Variants in EHBP1 observed in about 807,000 individuals in gnomAD.
The protein encoded by EHBP1 is EH domain-binding protein 1.
In EHBP1, 55 loss-of-function variants were observed where a neutral mutation model predicts 144.0. That is an observed-to-expected ratio of 0.38 (90% CI 0.31 to 0.48). EHBP1 has a LOEUF of 0.48. Ranked by LOEUF, EHBP1 falls within the 20% of genes least tolerant of loss-of-function variation. The probability of loss-of-function intolerance (pLI) is 0.98; values close to 1 mark genes in which losing one functional copy is unlikely to be tolerated. For missense variants in EHBP1, 1,200 were observed against 1,364.2 expected, an observed-to-expected ratio of 0.88 and a Z score of 1.90; for synonymous variants, 469 against 472.7, an observed-to-expected ratio of 0.99 and a Z score of 0.10.
chr2:62,929,726 A>G (rs994787606), intron 10 of EHBP1, among the ~76,000 whole-genome samples: 1 of 152,162 alleles, frequency 6.6e-6, no homozygotes, highest in Non-Finnish European at 1.5e-5. Flanking sequence ...CACTTAGGCA[A>G]GTAAAAGATG....
intron 10 of EHBP1, among the ~76,000 whole-genome samples, chr2:62,903,564 T>G (rs1475785433): frequency 6.6e-6 from 1 of 152,106 alleles, no homozygotes; most frequent in Non-Finnish European, 1.5e-5. Flanking sequence ...GGATTTTGAC[T>G]CCACCTTGGG....
At chr2:62,728,122 T>G (rs1457754374) in intron 2 of EHBP1, among the ~76,000 whole-genome samples, 1 of 152,192 alleles carries the variant, frequency 6.6e-6, no homozygotes, top group Non-Finnish European at 1.5e-5. Context: ...TTAAGCATTC[T>G]TTCCTGAAGT....
In EHBP1 at chr2:62,707,007, A is replaced by G. The variant is rs2034657734; in HGVS notation, c.-185A>G. Reference sequence around the variant, plus strand: ...ATATCATAGTGTTCTTGACTGGGCCATTCATCTAAGATGGGATTTACCCTG... The same window carrying G: ...ATATCATAGTGTTCTTGACTGGGCCGTTCATCTAAGATGGGATTTACCCTG... On this transcript the variant is annotated 5_prime_UTR_variant, in exon 2 of 23. Coordinates refer to ENST00000431489, the MANE Select transcript of EHBP1 (RefSeq NM_001142616.3). The G allele has an allele frequency of 1.8e-6, 1 of 567,780 alleles. No homozygotes were observed. The highest frequency in any genetic ancestry group is 2.0e-5 in the South Asian group (1 of 50,462). The allele number at this position is 567,780 out of a possible 1,614,324, so 35.2% of individuals were successfully genotyped here. A position where few individuals can be genotyped will look rare whatever the true frequency, so the allele number is the denominator to read the frequency against.
chr2:62,888,435 A>G (rs193166153), intron 10 of EHBP1, among the ~76,000 whole-genome samples: 1 of 152,350 alleles, frequency 6.6e-6, no homozygotes, highest in Admixed American at 6.5e-5. Flanking sequence ...CAAAATTTGT[A>G]AAGTTTGATT....
At position 62,954,259 on chromosome 2, in the gene EHBP1, A is replaced by T. The variant is rs556569152; in HGVS notation, c.2317-1258A>T. On this transcript the variant is annotated intron_variant, in intron 13 of 22. Transcript: ENST00000431489. Reference sequence around the variant, plus strand: ...ATTGCTTATTATTAGTGGGAGAGGGATTAACAGCCTGATGTCTTGACTGAA... The same window carrying T: ...ATTGCTTATTATTAGTGGGAGAGGGTTTAACAGCCTGATGTCTTGACTGAA... 5.3e-5 allele frequency among the ~76,000 whole-genome samples: 8 copies of T among 152,310 alleles called. No homozygotes were observed. In the South Asian group the frequency reaches 1.7e-3, roughly 32 times the overall value.
chr2:62,940,132 C>T (rs972957888), intron 10 of EHBP1: 4 of 411,676 alleles, frequency 9.7e-6, no homozygotes, highest in African/African-American at 4.1e-5. Flanking sequence ...ACAAGAAAAA[C>T]GCCTGTGGTA....
chr2:63,006,829 A>G (rs533878380), intron 19 of EHBP1, among the ~76,000 whole-genome samples: 4 of 151,764 alleles, frequency 2.6e-5, no homozygotes, highest in African/African-American at 9.6e-5. Context: ...GAAATTATAT[A>G]TATATATATG....
At chr2:63,009,458 G>C (rs1045144503) in intron 19 of EHBP1, among the ~76,000 whole-genome samples, 1 of 151,584 alleles carries the variant, frequency 6.6e-6, no homozygotes, top group African/African-American at 2.4e-5. Context: ...GGGTGGGATT[G>C]CTGATTTCAC....
At chr2:62,889,047 CTTTTTTTTTTTTT>C (rs71410971) in intron 10 of EHBP1, among the ~76,000 whole-genome samples, 23 of 39,678 alleles carry the variant, frequency 5.8e-4, no homozygotes, top group South Asian at 2.9e-3. Context: ...GTAGGTACCT[CTTTTTTTTTTTTT>C]TTTTTTTTTT....
intron 10 of EHBP1, among the ~76,000 whole-genome samples, chr2:62,892,999 A>G (rs540753913): frequency 6.0e-4 from 92 of 152,290 alleles, no homozygotes; most frequent in Non-Finnish European, 1.1e-3. Context: ...ACTTTGATAA[A>G]CATTAGCAAT....
intron 21 of EHBP1, among the ~76,000 whole-genome samples, chr2:63,039,773 G>A (rs975083769): frequency 6.6e-6 from 1 of 152,018 alleles, no homozygotes; most frequent in African/African-American, 2.4e-5. Context: ...CTATTTGTCT[G>A]AATACTATCA....
At chr2:62,898,941 A>T (rs969885463) in intron 10 of EHBP1, among the ~76,000 whole-genome samples, 1 of 152,172 alleles carries the variant, frequency 6.6e-6, no homozygotes, top group Non-Finnish European at 1.5e-5. Flanking sequence ...CCCCTCTTCC[A>T]TGTAGAATAT....
At chr2:62,892,866 A>G (rs1477543148) in intron 10 of EHBP1, among the ~76,000 whole-genome samples, 3 of 152,166 alleles carry the variant, frequency 2.0e-5, no homozygotes, top group African/African-American at 7.2e-5. Context: ...CATATTAATT[A>G]TATTTGAAGC....
At chr2:62,923,348 C>T (rs992805015) in intron 10 of EHBP1, among the ~76,000 whole-genome samples, 2 of 152,196 alleles carry the variant, frequency 1.3e-5, no homozygotes, top group African/African-American at 2.4e-5. Flanking sequence ...GCCACATGCC[C>T]ATCTTCATAG....
chr2:62,764,739 A>G (rs2041040625), intron 4 of EHBP1, among the ~76,000 whole-genome samples: 1 of 152,112 alleles, frequency 6.6e-6, no homozygotes, highest in African/African-American at 2.4e-5. Context: ...TATTATAAAT[A>G]TCTTATTAAT....
At chr2:62,677,700 A>C in intron 1 of EHBP1, among the ~76,000 whole-genome samples, 1 of 152,110 alleles carries the variant, frequency 6.6e-6, no homozygotes, top group African/African-American at 2.4e-5. Flanking sequence ...TAATTATTTT[A>C]ATTTTTACCT....
Position 62,881,855 on chromosome 2 carries a change from T to G in EHBP1, c.1185+7323T>G, listed in dbSNP as rs539529151. On this transcript the variant is annotated intron_variant, in intron 10 of 22. Coordinates refer to ENST00000431489, the MANE Select transcript of EHBP1 (RefSeq NM_001142616.3). ...TTGCCTATCTAGTCATGGGTGTGCT[T>G]TTACCGCTATATTAGGTTATTTAAT... The G allele has an allele frequency of 5.4e-4, 82 of 152,302 alleles. 1 individual carries two copies. Among genetic ancestry groups the G allele is most frequent in the South Asian group, 2.3e-3 (11 of 4,822 alleles). The allele number at this position is 152,302 out of a possible 1,614,324, so 9.4% of individuals were successfully genotyped here.
Position 62,707,300 on chromosome 2 carries a change from G to A in EHBP1, c.104+5G>A. 6.2e-7 allele frequency: 1 copy of A among 1,606,630 alleles called. No individual in the cohort carries two copies. The highest frequency in any genetic ancestry group is 1.1e-5 in the South Asian group (1 of 90,900). On this transcript the variant is annotated splice_donor_5th_base_variant and intron_variant, in intron 2 of 22. Coordinates refer to ENST00000431489, the MANE Select transcript of EHBP1 (RefSeq NM_001142616.3). ...GGTTGAGTGTACGAAGAAATGGTAA[G>A]ATGTACCTGGAGGTAGATTTTGCTG...
At chr2:62,893,185 T>A (rs991548497) in intron 10 of EHBP1, among the ~76,000 whole-genome samples, 1 of 152,212 alleles carries the variant, frequency 6.6e-6, no homozygotes, top group Non-Finnish European at 1.5e-5. Context: ...GCTTGCCAAA[T>A]GCTTTTTAAA....
Sources: allele counts gnomAD v4.1 joint callset (sites outside exome capture counted in the v4.1 genomes callset), GRCh38; gene constraint gnomAD v4.1.1; transcripts MANE v1.5; gene names NCBI Gene and HGNC (gene_info 2026-07-23, HGNC 2026-07-21).